Variants in NIPBL observed in about 807,000 individuals in gnomAD.
The protein encoded by NIPBL is NIPBL cohesin loading factor, also known as nipped-B-like protein.
In NIPBL, 19 loss-of-function variants were observed where a neutral mutation model predicts 321.8. The ratio of observed to expected loss-of-function variants is 0.06; its 90% CI spans 0.04 to 0.09. The LOEUF (loss-of-function observed/expected upper bound fraction) is 0.09, where lower values mean the gene tolerates loss of function less well. Among genes scored for constraint, NIPBL ranks in the 10% least tolerant of loss-of-function variants. The pLI, the probability that NIPBL is intolerant of heterozygous loss-of-function variation, is 1.00. For missense variants in NIPBL, 2,210 were observed against 3,327.0 expected, an observed-to-expected ratio of 0.66 and a Z score of 8.26; for synonymous variants, 1,106 against 1,114.1, an observed-to-expected ratio of 0.99 and a Z score of 0.14.
intron 1 of NIPBL, among the ~76,000 whole-genome samples, chr5:36,947,746 A>AT (rs1023922920): frequency 6.6e-6 from 1 of 151,944 alleles, no homozygotes; most frequent in African/African-American, 2.4e-5. Context: ...TATTCTAATC[A>AT]TAATAAAAGT....
chr5:36,938,812 GA>G (rs1398811297), intron 1 of NIPBL, among the ~76,000 whole-genome samples: 4 of 152,140 alleles, frequency 2.6e-5, no homozygotes, highest in African/African-American at 9.7e-5. Context: ...CCAGGAAACT[GA>G]CGTTGATACA....
At chr5:36,919,934 A>G (rs1050926958) in intron 1 of NIPBL, among the ~76,000 whole-genome samples, 4 of 152,146 alleles carry the variant, frequency 2.6e-5, no homozygotes, top group African/African-American at 9.7e-5. Flanking sequence ...ACTTGTTGTC[A>G]GGTATTCTGT....
chr5:36,942,917 G>C (rs922863235), intron 1 of NIPBL, among the ~76,000 whole-genome samples: 1 of 151,968 alleles, frequency 6.6e-6, no homozygotes, highest in Non-Finnish European at 1.5e-5. Context: ...CTGAAAAAAA[G>C]TTTTAATTCT....
chr5:36,956,858 C>A (rs1741023931), intron 3 of NIPBL, among the ~76,000 whole-genome samples: 1 of 151,912 alleles, frequency 6.6e-6, no homozygotes, highest in African/African-American at 2.4e-5. Context: ...TTCCCGACTT[C>A]AGGTGATCCA....
At chr5:36,970,129 C>T (rs1480370430) in intron 6 of NIPBL, among the ~76,000 whole-genome samples, 1 of 152,018 alleles carries the variant, frequency 6.6e-6, no homozygotes, top group East Asian at 1.9e-4. Flanking sequence ...TCACATCTAC[C>T]TGTAATCCCA....
chr5:36,905,276 C>G (rs1747545796), intron 1 of NIPBL, among the ~76,000 whole-genome samples: 2 of 152,144 alleles, frequency 1.3e-5, no homozygotes, highest in Admixed American at 1.3e-4. Flanking sequence ...GGGATCAGTT[C>G]ATCTCTTCCT....
intron 43 of NIPBL, 27 bp downstream of exon 43, chr5:37,057,359 A>G (rs1754207460): frequency 1.9e-6 from 3 of 1,606,096 alleles, no homozygotes; most frequent in East Asian, 2.2e-5. Flanking sequence ...ACTATTCTTA[A>G]TCCATCTGTC....
chr5:36,981,074 G>A (rs1003129687), intron 9 of NIPBL, among the ~76,000 whole-genome samples: 1 of 151,694 alleles, frequency 6.6e-6, no homozygotes, highest in African/African-American at 2.4e-5. Context: ...AAGACTAAAT[G>A]TTAAAGTGGA....
chr5:36,934,957 G>C (rs114226421), intron 1 of NIPBL, among the ~76,000 whole-genome samples: 3 of 152,008 alleles, frequency 2.0e-5, no homozygotes, highest in African/African-American at 4.8e-5. Flanking sequence ...CTCACCATGC[G>C]CGTTGAATGT....
chr5:37,047,296 T>G (rs893118884), intron 38 of NIPBL, among the ~76,000 whole-genome samples: 1 of 152,238 alleles, frequency 6.6e-6, no homozygotes, highest in Non-Finnish European at 1.5e-5. Context: ...TTTGGTGTTA[T>G]GATTAAGGTT....
Position 36,985,262 on chromosome 5 carries a change from A to C in NIPBL, c.2082A>C (p.Glu694Asp). 1 of 1,613,812 alleles carries C rather than the reference A, an allele frequency of 6.2e-7. No individual in the cohort carries two copies. Among genetic ancestry groups the C allele is most frequent in the Non-Finnish European group, 8.5e-7 (1 of 1,179,952 alleles). ...ACAAACAAAATAATGGCAGATCAGA[A>C]ACAACAAAATCAAGGCCTGAAACCC... ...NDNKQNNGRSETTKSRPETPK... is the reference protein window; with the variant it reads ...NDNKQNNGRSDTTKSRPETPK... Residue 694 changes from glutamate (E) to aspartate (D), a missense_variant, in exon 10 of 47, where the codon GAA (glutamate) becomes GAC (aspartate). Transcript: ENST00000282516.
chr5:36,961,547 A>C lies in NIPBL; in HGVS notation c.422A>C (p.Asn141Thr). The stretch of plus-strand genomic sequence containing the variant: ...ATGCACAGTAGTCCTGCATCTTCCA[A>C]TTATCAACAAACCACTATCTCACAT... The part of the protein sequence containing the change: ...NSMHSSPASS[N>T]YQQTTISHSP... Residue 141 changes from asparagine (N) to threonine (T), a missense_variant, in exon 5 of 47, where the codon AAT becomes ACT. Asn to Thr is a moderately conservative substitution (Grantham distance 65). Transcript: ENST00000282516. The C allele has an allele frequency of 6.2e-7, 1 of 1,610,888 alleles. No individual in the cohort carries two copies.
chr5:37,059,366 G>A (rs1000292329), intron 44 of NIPBL, among the ~76,000 whole-genome samples: 2 of 152,140 alleles, frequency 1.3e-5, no homozygotes, highest in East Asian at 3.9e-4. Flanking sequence ...AATTAGCCTA[G>A]TGTGGTGGTG....
chr5:36,894,327 A>G (rs1247931572), intron 1 of NIPBL, among the ~76,000 whole-genome samples: 1 of 152,048 alleles, frequency 6.6e-6, no homozygotes, highest in South Asian at 2.1e-4. Flanking sequence ...AGATAAAGTG[A>G]AGTATCCAAA....
intron 40 of NIPBL, among the ~76,000 whole-genome samples, chr5:37,050,663 T>C (rs1753440058): frequency 6.6e-6 from 1 of 152,164 alleles, no homozygotes; most frequent in South Asian, 2.1e-4. Context: ...TATGATTCTT[T>C]ACCACTAAAC....
rs1744757396 is a variant in NIPBL, at chr5:36,986,035, C to T, written c.2855C>T (p.Ala952Val). 2 of 1,613,586 alleles carry T rather than the reference C, an allele frequency of 1.2e-6. No individual in the cohort carries two copies. Among genetic ancestry groups the T allele is most frequent in the Non-Finnish European group, 1.7e-6 (2 of 1,179,830 alleles). Reference protein sequence around the residue: ...PSYLLGGRSGALKNFVIPKIK... With the variant: ...PSYLLGGRSGVLKNFVIPKIK... ...TATTTGTTGGGGGGCAGGTCTGGTG[C>T]GTTGAAAAATTTTGTCATTCCGAAA... Residue 952 changes from alanine (A) to valine (V), a missense_variant, in exon 10 of 47, where the codon GCG becomes GTG. By Grantham distance (64) the Ala-to-Val change is moderately conservative. Coordinates refer to ENST00000282516, the MANE Select transcript of NIPBL (RefSeq NM_133433.4).
At chr5:36,891,229 C>T (rs1746308957) in intron 1 of NIPBL, among the ~76,000 whole-genome samples, 1 of 152,112 alleles carries the variant, frequency 6.6e-6, no homozygotes, top group South Asian at 2.1e-4. Context: ...AGCACCACTG[C>T]ACTCTGGCCT....
intron 34 of NIPBL, among the ~76,000 whole-genome samples, chr5:37,043,067 T>C (rs939559445): frequency 1.2e-4 from 19 of 152,046 alleles, no homozygotes; most frequent in Admixed American, 9.2e-4. Context: ...TATTAGTTTT[T>C]CTAATCAAAG....
intron 1 of NIPBL, among the ~76,000 whole-genome samples, chr5:36,898,735 T>C (rs1436887790): frequency 6.6e-6 from 1 of 152,152 alleles, no homozygotes; most frequent in East Asian, 1.9e-4. Flanking sequence ...GGTCTCGAAC[T>C]CCCGACCTCA....
Sources: allele counts gnomAD v4.1 joint callset (sites outside exome capture counted in the v4.1 genomes callset), GRCh38; gene constraint gnomAD v4.1.1; transcripts MANE v1.5; gene names NCBI Gene and HGNC (gene_info 2026-07-23, HGNC 2026-07-21).